UNC79: variants seen among roughly 807,000 people sequenced by gnomAD.
The protein encoded by UNC79 is protein unc-79 homolog.
In UNC79, 37 loss-of-function variants were observed where a neutral mutation model predicts 283.1. The ratio of observed to expected loss-of-function variants is 0.13; its 90% confidence interval spans 0.10 to 0.17. The LOEUF is 0.17. UNC79 is among the 10% of genes least tolerant of loss of function. UNC79 has a pLI of 1.00. For missense variants in UNC79, 2,272 were observed against 3,211.1 expected (o/e 0.71, Z 7.07); for synonymous variants, 1,107 against 1,200.2 (o/e 0.92, Z 1.61).
At chr14:93,572,545 A>G in intron 15 of UNC79, 148 bp from the exon 16 acceptor site, 1 of 1,144,676 alleles carries the variant, frequency 8.7e-7, no homozygotes, top group Non-Finnish European at 1.2e-6. Flanking sequence ...CTTACAGTAA[A>G]GTGAAATATG....
intron 1 of UNC79, among the ~76,000 whole-genome samples, chr14:93,371,960 C>T (rs781545311): frequency 3.9e-5 from 6 of 152,024 alleles, no homozygotes; most frequent in African/African-American, 7.2e-5. Flanking sequence ...TCCCATAACC[C>T]GCAAAGTTAT....
rs149874278 is a variant in UNC79 at position 93,605,237 on chromosome 14, A to G, written c.3754+1819A>G. Among the ~76,000 whole-genome samples, 94 of 152,348 alleles carry G rather than the reference A, an allele frequency of 6.2e-4. No individual in the cohort carries two copies. The South Asian group carries it at 0.012, about 20-fold the overall frequency. On this transcript the variant is annotated intron_variant, in intron 26 of 48. Transcript: ENST00000555664. ...CTTTCCCCAGAGAGCCAGTATGACT[A>G]GAGCTATCCATAGTATTTATATTTG...
intron 1 of UNC79, among the ~76,000 whole-genome samples, chr14:93,344,447 AC>A (rs2053781620): frequency 6.6e-6 from 1 of 152,216 alleles, no homozygotes; most frequent in Non-Finnish European, 1.5e-5. Context: ...GAGAATTCAA[AC>A]CAGGGCTTTG....
intron 40 of UNC79, among the ~76,000 whole-genome samples, chr14:93,669,433 C>T (rs2072592654): frequency 6.6e-6 from 1 of 151,958 alleles, no homozygotes; most frequent in African/African-American, 2.4e-5. Flanking sequence ...TTTGGAAGCC[C>T]CATGAGGCTA....
chr14:93,431,100 A>G (rs1252213274), intron 1 of UNC79, 49 bp downstream of exon 1: 1 of 599,512 alleles, frequency 1.7e-6, no homozygotes, highest in Admixed American at 2.2e-5. Flanking sequence ...GCTGGGAGCT[A>G]TTGCAGCTGC....
At chr14:93,559,264 T>G (rs2062393435) in intron 14 of UNC79, among the ~76,000 whole-genome samples, 2 of 152,246 alleles carry the variant, frequency 1.3e-5, no homozygotes, top group African/African-American at 4.8e-5. Flanking sequence ...GAACACAGTT[T>G]GAACACTTAG....
At chr14:93,583,718 G>A (rs1164561447) in intron 20 of UNC79, among the ~76,000 whole-genome samples, 1 of 151,926 alleles carries the variant, frequency 6.6e-6, no homozygotes, top group Non-Finnish European at 1.5e-5. Context: ...CTGGGGGGAA[G>A]AGGAGGGCAA....
At chr14:93,387,223 G>A (rs10131244) in intron 1 of UNC79, among the ~76,000 whole-genome samples, 91,328 of 151,934 alleles carry the variant, frequency 0.6, 27,930 homozygotes, top group Admixed American at 0.67. Context: ...GATTTTAGGC[G>A]TGTGCCACTG....
chr14:93,469,038 AT>A (rs1312450687), intron 2 of UNC79, among the ~76,000 whole-genome samples: 1 of 152,202 alleles, frequency 6.6e-6, no homozygotes, highest in Non-Finnish European at 1.5e-5. Context: ...TTTATGACAA[AT>A]TCTGAAAGTT....
At chr14:93,564,197 G>A (rs545394777) in intron 14 of UNC79, among the ~76,000 whole-genome samples, 84 of 152,312 alleles carry the variant, frequency 5.5e-4, no homozygotes, top group African/African-American at 1.9e-3. Context: ...CTCTAAAGCT[G>A]TCTTCAAGCA....
intron 27 of UNC79, among the ~76,000 whole-genome samples, chr14:93,616,393 G>T: frequency 6.9e-6 from 1 of 143,898 alleles, no homozygotes. Flanking sequence ...TTTGAGACAG[G>T]GTCTCACTCT....
intron 14 of UNC79, among the ~76,000 whole-genome samples, chr14:93,571,066 T>C (rs780532274): frequency 2.0e-5 from 3 of 152,206 alleles, no homozygotes; most frequent in East Asian, 3.8e-4. Context: ...CAAATAGATA[T>C]TGGAGCTTTA....
chr14:93,586,561 G>C (rs1207704162), intron 20 of UNC79, 35 bp from the exon 21 acceptor site: 4 of 1,568,826 alleles, frequency 2.5e-6, no homozygotes, highest in Non-Finnish European at 3.5e-6. Flanking sequence ...GAGAGGAAGA[G>C]TTAGCCTAAT....
chr14:93,511,345 G>A (rs996087548), intron 7 of UNC79, among the ~76,000 whole-genome samples: 1 of 152,146 alleles, frequency 6.6e-6, no homozygotes, highest in Non-Finnish European at 1.5e-5. Context: ...CATGCTATTA[G>A]CTGTAGGGTT....
intron 1 of UNC79, among the ~76,000 whole-genome samples, chr14:93,355,631 T>G (rs541950361): frequency 7.2e-4 from 110 of 152,302 alleles, no homozygotes; most frequent in African/African-American, 2.6e-3. Context: ...CCGTGCCTAA[T>G]TTTACAGTCT....
chr14:93,692,974 A>G (rs902630265), intron 46 of UNC79, among the ~76,000 whole-genome samples: 11 of 152,222 alleles, frequency 7.2e-5, no homozygotes. Context: ...ATTCCAGTGT[A>G]CCCTGAAACC....
intron 14 of UNC79, among the ~76,000 whole-genome samples, chr14:93,557,170 A>G (rs2062221515): frequency 6.6e-6 from 1 of 152,202 alleles, no homozygotes; most frequent in Non-Finnish European, 1.5e-5. Context: ...GACAAAATTT[A>G]TATTCTATTG....
chr14:93,686,288 A>G (rs995674703), intron 42 of UNC79, among the ~76,000 whole-genome samples: 7 of 151,822 alleles, frequency 4.6e-5, no homozygotes, highest in African/African-American at 1.7e-4. Flanking sequence ...TTTAAAAACA[A>G]GCACACACAC....
intron 7 of UNC79, among the ~76,000 whole-genome samples, chr14:93,509,057 A>G (rs552915319): frequency 1.3e-5 from 2 of 152,350 alleles, no homozygotes; most frequent in East Asian, 3.9e-4. Context: ...ACCTCAGGAA[A>G]CTTACAATAA....
Sources: allele counts gnomAD v4.1 joint callset (sites outside exome capture counted in the v4.1 genomes callset), GRCh38; gene constraint gnomAD v4.1.1; transcripts MANE v1.5; gene names NCBI Gene and HGNC (gene_info 2026-07-23, HGNC 2026-07-21).